The following OR56A3 variants were observed in gnomAD, a reference collection of about 807,000 sequenced individuals.
OR56A3 encodes olfactory receptor family 56 subfamily A member 3.
Under a neutral mutation model 17.5 loss-of-function variants are expected in OR56A3, and 23 were observed. That is an observed-to-expected ratio of 1.32 (90% CI 0.95 to 1.87). The LOEUF is 1.87. Ranked by LOEUF, OR56A3 falls within the 40% of genes most tolerant of loss-of-function variation. The pLI, the probability that OR56A3 is intolerant of heterozygous loss-of-function variation, is 0.00. For missense variants in OR56A3, 366 were observed against 380.1 expected, an observed-to-expected ratio of 0.96 and a Z score of 0.31; for synonymous variants, 175 against 150.6, an observed-to-expected ratio of 1.16 and a Z score of -1.19.
At chr11:5,946,879 C>G (rs1333551871) in intron 2 of OR56A3, among the ~76,000 whole-genome samples, 1 of 152,056 alleles carries the variant, frequency 6.6e-6, no homozygotes, top group Admixed American at 6.6e-5. Flanking sequence ...TATCTGAGTC[C>G]CTTCCTTGTG....
the OR56A3 span, chr11:5,999,419 T>G: frequency 6.6e-6 from 1 of 152,108 alleles, no homozygotes; most frequent in Non-Finnish European, 1.5e-5. Flanking sequence ...GAAAAAACAA[T>G]AAAAAATAAA....
At chr11:5,991,863 C>A in the OR56A3 span, among the ~76,000 whole-genome samples, 1 of 152,130 alleles carries the variant, frequency 6.6e-6, no homozygotes, top group Non-Finnish European at 1.5e-5. Context: ...TTGGCAGGTC[C>A]CAGAGGACTC....
chr11:5,959,243 C>G, the OR56A3 span, among the ~76,000 whole-genome samples: 1 of 152,216 alleles, frequency 6.6e-6, no homozygotes, highest in African/African-American at 2.4e-5. Context: ...TTCCCACCAA[C>G]AGTGTGTAAG....
At chr11:6,009,486 A>G in the OR56A3 span, among the ~76,000 whole-genome samples, 1 of 152,216 alleles carries the variant, frequency 6.6e-6, no homozygotes, top group Non-Finnish European at 1.5e-5. Context: ...TTACATGTGT[A>G]TTCAAATTTA....
At chr11:6,011,876 G>A in the OR56A3 span, among the ~76,000 whole-genome samples, 2 of 152,160 alleles carry the variant, frequency 1.3e-5, no homozygotes, top group South Asian at 2.1e-4. Flanking sequence ...GCCAGGATGG[G>A]CACCAGCTCT....
the OR56A3 span, chr11:5,986,951 A>C: frequency 6.2e-7 from 1 of 1,605,540 alleles, no homozygotes; most frequent in South Asian, 1.1e-5. Flanking sequence ...TTCCTGCTAC[A>C]TTATCACATT....
Position 5,949,096 on chromosome 11 carries a change from C to T in OR56A3, c.*802C>T, listed in dbSNP as rs1468833650. On this transcript the variant is annotated 3_prime_UTR_variant, in exon 3 of 3. Transcript: ENST00000641160. ...AAAAGATTGCTGGTATTAGAGCATA[C>T]AATCTAGCAATAATATTGACACCTA... 1 of 152,154 alleles carries T rather than the reference C, an allele frequency of 6.6e-6. No homozygotes were observed. The highest frequency in any genetic ancestry group is 2.4e-5 in the African/African-American group (1 of 41,426). 9.4% of individuals were successfully genotyped at this position (152,154 alleles called of 1,614,324 possible).
At chr11:5,963,489 T>C in the OR56A3 span, among the ~76,000 whole-genome samples, 1 of 152,124 alleles carries the variant, frequency 6.6e-6, no homozygotes, top group Non-Finnish European at 1.5e-5. Context: ...TTTTTAAATA[T>C]ATTTTTCACT....
At chr11:6,009,335 T>C in the OR56A3 span, among the ~76,000 whole-genome samples, 1 of 152,174 alleles carries the variant, frequency 6.6e-6, no homozygotes, top group Non-Finnish European at 1.5e-5. Context: ...TTTCTCTCTC[T>C]CAGTTTTTAA....
chr11:6,005,925 G>C, the OR56A3 span, among the ~76,000 whole-genome samples: 1 of 152,204 alleles, frequency 6.6e-6, no homozygotes, highest in Non-Finnish European at 1.5e-5. Context: ...CAAACACTGA[G>C]ACCATAGCAG....
chr11:5,993,130 C>T, the OR56A3 span, among the ~76,000 whole-genome samples: 1 of 151,966 alleles, frequency 6.6e-6, no homozygotes, highest in Non-Finnish European at 1.5e-5. Flanking sequence ...AGGAAAGGGA[C>T]CTTGGTATTT....
chr11:5,956,908 G>A, the OR56A3 span, among the ~76,000 whole-genome samples: 1 of 152,164 alleles, frequency 6.6e-6, no homozygotes, highest in Non-Finnish European at 1.5e-5. Flanking sequence ...TGTAATCCCA[G>A]CACTTTGGGA....
In OR56A3 at chr11:5,948,586, C is replaced by A; in HGVS notation, c.*292C>A. 1 of 337,122 alleles carries A rather than the reference C, an allele frequency of 3.0e-6. No individual in the cohort carries two copies. Among genetic ancestry groups the A allele is most frequent in the Non-Finnish European group, 5.4e-6 (1 of 184,868 alleles). 20.9% of individuals were successfully genotyped at this position (337,122 alleles called of 1,614,324 possible). A position where few individuals can be genotyped will look rare whatever the true frequency, so the allele number is the denominator to read the frequency against. ...AAAGTGAAAAATGTATGTTTCTGAA[C>A]ACACAACTCAATATGTCATGAATTT... On this transcript the variant is annotated 3_prime_UTR_variant, in exon 3 of 3. Coordinates refer to ENST00000641160, the MANE Select transcript of OR56A3 (RefSeq NM_001003443.3).
chr11:5,966,893 A>AACACACACAC, the OR56A3 span, among the ~76,000 whole-genome samples: 4,333 of 147,184 alleles, frequency 0.029, 152 homozygotes, highest in African/African-American at 0.083. Context: ...CACTTAAAGC[A>AACACACACAC]ACACACACAC....
downstream of OR56A3, among the ~76,000 whole-genome samples, chr11:5,955,651 C>T (rs1847928438): frequency 6.6e-6 from 1 of 152,170 alleles, no homozygotes; most frequent in Non-Finnish European, 1.5e-5. Context: ...TCCTTCTCCC[C>T]TGGTTCTTCC....
the OR56A3 span, among the ~76,000 whole-genome samples, chr11:5,987,861 C>T: frequency 6.6e-6 from 1 of 152,158 alleles, no homozygotes; most frequent in Non-Finnish European, 1.5e-5. Flanking sequence ...TAAACACCTT[C>T]CCAATTCACT....
downstream of OR56A3, among the ~76,000 whole-genome samples, chr11:5,951,599 C>T (rs188652563): frequency 7.9e-4 from 121 of 152,226 alleles, 1 homozygote; most frequent in African/African-American, 2.6e-3. Flanking sequence ...AGTTTTTTCT[C>T]CTGTATCCAG....
the OR56A3 span, among the ~76,000 whole-genome samples, chr11:6,015,826 T>C: frequency 6.6e-6 from 1 of 152,128 alleles, no homozygotes; most frequent in East Asian, 1.9e-4. Context: ...GGTTCATAGG[T>C]GGAAGGGACT....
the OR56A3 span, among the ~76,000 whole-genome samples, chr11:6,008,153 G>C: frequency 1.3e-5 from 2 of 152,096 alleles, no homozygotes; most frequent in Non-Finnish European, 2.9e-5. Flanking sequence ...GTGGGCTTTG[G>C]GCATAAGAAT....
Sources: gnomAD v4.1 joint callset for allele counts (sites outside exome capture counted in the v4.1 genomes callset) on GRCh38, gnomAD v4.1.1 for gene constraint, MANE v1.5 for transcripts, NCBI Gene and HGNC (gene_info 2026-07-23, HGNC 2026-07-21) for gene names.